Variants in ANO4 observed in about 807,000 individuals in gnomAD.
The protein encoded by ANO4 is anoctamin-4.
Under a neutral mutation model 141.9 loss-of-function variants are expected in ANO4, and 69 were observed. The observed-to-expected ratio is 0.49, with a 90% CI of 0.40 to 0.59. ANO4 has a LOEUF of 0.59. Among genes scored for constraint, ANO4 ranks in the 20% least tolerant of loss-of-function variants. The probability of loss-of-function intolerance (pLI) is 0.00; values close to 1 mark genes in which losing one functional copy is unlikely to be tolerated. For synonymous variants in ANO4, 350 were observed against 394.3 expected (o/e 0.89, Z 1.33); for missense variants, 894 against 1,162.2 (o/e 0.77, Z 3.36).
In ANO4 at chr12:101,109,560, CA is replaced by C. The variant is rs564404864; in HGVS notation, c.2150-835del. Among the ~76,000 whole-genome samples, 672 of 146,500 alleles carry C rather than the reference CA, an allele frequency of 4.6e-3. 11 individuals carry two copies. The highest frequency in any genetic ancestry group is 0.016 in the African/African-American group (648 of 39,652). On this transcript the variant is annotated intron_variant, in intron 22 of 27. Transcript: ENST00000392977. ...TGGGGGACAGAGCTAGACTCTGTCTCAAAAAAAAACAAAAAACAAAACAAAC... is the reference window on the plus strand; with the variant it reads ...TGGGGGACAGAGCTAGACTCTGTCTCAAAAAAAACAAAAAACAAAACAAAC...
intron 8 of ANO4, among the ~76,000 whole-genome samples, chr12:101,012,757 G>A (rs554769160): frequency 6.6e-6 from 1 of 152,096 alleles, no homozygotes; most frequent in South Asian, 2.1e-4. Context: ...AGTGAAATTA[G>A]ATAGTACAGT....
At chr12:100,773,773 A>G (rs55672191) in intron 3 of ANO4, among the ~76,000 whole-genome samples, 2,006 of 152,352 alleles carry the variant, frequency 0.013, 15 homozygotes, top group Non-Finnish European at 0.022. Flanking sequence ...ATAAATGTAC[A>G]CTATAATGAA....
chr12:100,982,923 G>A (rs1466731420), intron 7 of ANO4, among the ~76,000 whole-genome samples: 3 of 152,248 alleles, frequency 2.0e-5, no homozygotes, highest in Non-Finnish European at 2.9e-5. Context: ...TCATTTTAGA[G>A]ATGAGAGCAC....
At chr12:100,736,956 G>A (rs1247930455) in intron 2 of ANO4, among the ~76,000 whole-genome samples, 1 of 152,102 alleles carries the variant, frequency 6.6e-6, no homozygotes, top group East Asian at 1.9e-4. Flanking sequence ...AGAACCATGA[G>A]AGAATAAATT....
At chr12:100,719,252 G>T (rs1330833546) in intron 1 of ANO4, among the ~76,000 whole-genome samples, 1 of 152,156 alleles carries the variant, frequency 6.6e-6, no homozygotes, top group African/African-American at 2.4e-5. Flanking sequence ...CTAAAATGAT[G>T]CATATACTTG....
At chr12:100,921,186 A>G (rs549391755) in intron 2 of ANO4, among the ~76,000 whole-genome samples, 7 of 152,238 alleles carry the variant, frequency 4.6e-5, no homozygotes, top group South Asian at 2.1e-4. Flanking sequence ...TGCTTGGGTT[A>G]TAGCATGCAG....
intron 1 of ANO4, among the ~76,000 whole-genome samples, chr12:100,825,455 T>C (rs2036279857): frequency 6.6e-6 from 1 of 152,010 alleles, no homozygotes; most frequent in African/African-American, 2.4e-5. Context: ...AAGGAAAATC[T>C]GGAATTTAAA....
At chr12:100,945,222 G>A (rs1054197212) in intron 5 of ANO4, among the ~76,000 whole-genome samples, 10 of 152,152 alleles carry the variant, frequency 6.6e-5, no homozygotes, top group African/African-American at 9.7e-5. Flanking sequence ...TTCTAGTTCA[G>A]TTTAACATCC....
At chr12:101,081,693 T>C (rs1016056333) in intron 15 of ANO4, among the ~76,000 whole-genome samples, 2 of 152,152 alleles carry the variant, frequency 1.3e-5, no homozygotes, top group Non-Finnish European at 2.9e-5. Context: ...CAATAGAAAC[T>C]TACATGCTCA....
In ANO4 at chr12:101,097,845, C is replaced by T; in HGVS notation, c.1909-3C>T. 6.2e-7 allele frequency: 1 copy of T among 1,613,278 alleles called. No individual in the cohort carries two copies. The highest frequency in any genetic ancestry group is 1.3e-5 in the African/African-American group (1 of 75,020). ...GGAATTTCTGTGTTTGCTTACCTTG[C>T]AGTGCCACCCTAGTGGATGCCTTAT... On this transcript the variant is annotated splice_polypyrimidine_tract_variant and splice_region_variant and intron_variant, in intron 20 of 27. Transcript: ENST00000392977.
chr12:100,886,817 A>C (rs1455171834), intron 1 of ANO4, among the ~76,000 whole-genome samples: 2 of 151,632 alleles, frequency 1.3e-5, no homozygotes, highest in Non-Finnish European at 2.9e-5. Flanking sequence ...CTGGCTCTTT[A>C]CAGAAAAAAA....
intron 1 of ANO4, among the ~76,000 whole-genome samples, chr12:100,831,786 G>C (rs1283876126): frequency 6.6e-6 from 1 of 152,196 alleles, no homozygotes; most frequent in East Asian, 1.9e-4. Context: ...CCACTTAGCT[G>C]TGACCCTTTG....
chr12:100,929,814 G>C (rs911403635), intron 3 of ANO4, among the ~76,000 whole-genome samples: 1 of 151,978 alleles, frequency 6.6e-6, no homozygotes, highest in African/African-American at 2.4e-5. Flanking sequence ...TTTTAACTGA[G>C]GTGAGCCCTG....
chr12:100,892,901 C>A (rs376899099), intron 1 of ANO4, among the ~76,000 whole-genome samples: 5 of 152,074 alleles, frequency 3.3e-5, no homozygotes, highest in African/African-American at 1.2e-4. Context: ...CTCCCTGCCA[C>A]CCCCGGCACC....
intron 25 of ANO4, 137 bp downstream of exon 25, chr12:101,116,935 G>A (rs2050878690): frequency 1.6e-6 from 2 of 1,246,562 alleles, no homozygotes; most frequent in South Asian, 1.4e-5. Flanking sequence ...AAAAGCACAT[G>A]AAGAATTTTC....
intron 3 of ANO4, among the ~76,000 whole-genome samples, chr12:100,765,963 T>A (rs2033065240): frequency 6.6e-6 from 1 of 151,964 alleles, no homozygotes; most frequent in African/African-American, 2.4e-5. Flanking sequence ...ATATAATAAA[T>A]CTCCAAAATT....
chr12:101,014,356 A>C (rs2046228336), intron 8 of ANO4, among the ~76,000 whole-genome samples: 1 of 152,124 alleles, frequency 6.6e-6, no homozygotes, highest in Admixed American at 6.5e-5. Context: ...TGGGACCTCA[A>C]TCTTCCACCA....
In ANO4 at chr12:100,873,644, GA is replaced by G. The variant is rs142355586; in HGVS notation, c.-140-27999del. On this transcript the variant is annotated intron_variant, in intron 1 of 27. Transcript: ENST00000392977. Reference sequence around the variant, plus strand: ...GCCCATATTTATATTTGTGAGCCAAGAAATGACCTGGTACTGGAACTTATAT... The same window carrying G: ...GCCCATATTTATATTTGTGAGCCAAGAATGACCTGGTACTGGAACTTATAT... 5.4e-3 allele frequency among the ~76,000 whole-genome samples: 829 copies of G among 152,304 alleles called. 8 individuals are homozygous for G. The highest frequency in any genetic ancestry group is 0.019 in the African/African-American group (779 of 41,556).
intron 14 of ANO4, among the ~76,000 whole-genome samples, chr12:101,073,566 T>TATAATAATAATAATAATAATAATA (rs55723203): frequency 8.4e-5 from 12 of 143,634 alleles, no homozygotes; most frequent in Admixed American, 4.2e-4. Context: ...GAACTTAAAG[T>TATAATAATAATAATAATAATAATA]ATAATAATAA....
Sources: allele counts gnomAD v4.1 joint callset (sites outside exome capture counted in the v4.1 genomes callset), GRCh38; gene constraint gnomAD v4.1.1; transcripts MANE v1.5; gene names NCBI Gene and HGNC (gene_info 2026-07-23, HGNC 2026-07-21).